The following CFAP126 variants were observed in gnomAD, a reference collection of about 807,000 sequenced individuals.
CFAP126 encodes the protein protein Flattop.
In CFAP126, 21 loss-of-function variants were observed where a neutral mutation model predicts 17.1. The ratio of observed to expected loss-of-function variants is 1.23; its 90% CI spans 0.87 to 1.77. The LOEUF (loss-of-function observed/expected upper bound fraction) is 1.77, where lower values mean the gene tolerates loss of function less well. CFAP126 is among the 40% of genes most tolerant of loss of function. The pLI is 0.00. For synonymous variants in CFAP126, 65 were observed against 73.5 expected (o/e 0.88, Z 0.59); for missense variants, 174 against 215.4 (o/e 0.81, Z 1.20).
intron 1 of CFAP126, chr1:161,366,786 T>C (rs1412346689): frequency 2.4e-6 from 1 of 409,162 alleles, no homozygotes; most frequent in African/African-American, 2.0e-5. Context: ...CTTTTCTTTT[T>C]TTTTTTGAGA....
At chr1:161,365,823 T>A in intron 3 of CFAP126, 121 bp from the exon 4 acceptor site, 1 of 972,610 alleles carries the variant, frequency 1.0e-6, no homozygotes, top group Non-Finnish European at 1.5e-6. Flanking sequence ...ACTGAAAGCA[T>A]AATCTTCCCA....
Position 161,365,165 on chromosome 1 carries a change from A to C in CFAP126, c.349-15T>G, listed in dbSNP as rs1672684818. ...GGATCATGGGGCTGTCAGTGATAAG[A>C]GTGGGAGAGATAGTCATGTCTCTGG... On this transcript the variant is annotated splice_polypyrimidine_tract_variant and intron_variant, in intron 4 of 4. Transcript: ENST00000367974. 1 of 1,612,218 alleles carries C rather than the reference A, an allele frequency of 6.2e-7. No individual in the cohort carries two copies.
Position 161,365,550 on chromosome 1 carries a change from C to T in CFAP126, c.324G>A (p.Gly108=), listed in dbSNP as rs1052773173. 1.8e-5 allele frequency: 29 copies of T among 1,614,152 alleles called. No homozygotes were observed. Among genetic ancestry groups the T allele is most frequent in the Non-Finnish European group, 2.4e-5 (28 of 1,180,034 alleles). Residue 108 remains glycine (G), a synonymous_variant, in exon 4 of 5, where the codon GGG becomes GGA. Coordinates refer to ENST00000367974, the MANE Select transcript of CFAP126 (RefSeq NM_001013625.4). The part of the protein sequence containing the change: ...KNPDLLKASN[G]LCPEILGKPH... ...CCTTGCCTAAGATTTCAGGACACAG[C>T]CCATTGGAGGCCTTGAGTAAATCAG...
Position 161,366,445 on chromosome 1 carries a change from T to A in CFAP126, c.84A>T (p.Thr28=). ...YLQNWSPTKP[T]KESISSHEGY... ...TGCACTGAACATGGAATACCTCTTT[T>A]GTTGGCTTAGTGGGAGACCAGTTCT... The change falls in exon 2 of 5, where the codon ACA becomes ACT. Residue 28 remains threonine (T), a synonymous_variant. Coordinates refer to ENST00000367974, the MANE Select transcript of CFAP126 (RefSeq NM_001013625.4). 1 of 1,613,900 alleles carries A rather than the reference T, an allele frequency of 6.2e-7. No homozygotes were observed. The highest frequency in any genetic ancestry group is 8.5e-7 in the Non-Finnish European group (1 of 1,179,780).
In CFAP126 at chr1:161,365,480, G is replaced by A. The variant is rs780569388; in HGVS notation, c.348+46C>T. On this transcript the variant is annotated intron_variant, in intron 4 of 4. Coordinates refer to ENST00000367974, the MANE Select transcript of CFAP126 (RefSeq NM_001013625.4). ...AATAGACATTTTTTGAGGTTGAAAA[G>A]AAATTGAGACTACAGGGTTTTGGGT... 8.1e-6 allele frequency: 13 copies of A among 1,600,544 alleles called. No homozygotes were observed. The African/African-American group carries it at 1.7e-4, about 21-fold the overall frequency.
At chr1:161,367,650 A>G (rs1672780075) in intron 1 of CFAP126, 192 bp downstream of exon 1, 1 of 474,460 alleles carries the variant, frequency 2.1e-6, no homozygotes, top group African/African-American at 2.0e-5. Flanking sequence ...TCTGGTTTAC[A>G]CCCTACAAAT....
chr1:161,367,854 G>C lies in CFAP126; in HGVS notation c.15C>G (p.Tyr5Ter). 6.2e-7 allele frequency: 1 copy of C among 1,614,086 alleles called. No homozygotes were observed. Among genetic ancestry groups the C allele is most frequent in the South Asian group, 1.1e-5 (1 of 91,070 alleles). Residue 5 changes from tyrosine to a stop codon, truncating the protein, a stop_gained, in exon 1 of 5, where the codon TAC becomes TAG. Coordinates refer to ENST00000367974, the MANE Select transcript of CFAP126 (RefSeq NM_001013625.4). LOFTEE classifies it high-confidence loss of function. MATN[Y>*]SANQYEKAFS... Reference sequence around the variant, plus strand: ...AATGGGAACTTACCTGGTTGGCACTGTAGTTAGTGGCCATGATCTTGTGCT... The same window carrying C: ...AATGGGAACTTACCTGGTTGGCACTCTAGTTAGTGGCCATGATCTTGTGCT...
At chr1:161,366,167 T>A in intron 3 of CFAP126, 31 bp downstream of exon 3, 1 of 1,528,864 alleles carries the variant, frequency 6.5e-7, no homozygotes, top group Non-Finnish European at 9.1e-7. Flanking sequence ...ATTATTTGAC[T>A]TTCTTGATAG....
intron 1 of CFAP126, chr1:161,367,610 C>G: frequency 2.4e-6 from 1 of 408,630 alleles, no homozygotes; most frequent in Non-Finnish European, 4.3e-6. Flanking sequence ...TTTTACACTC[C>G]GCCCTTTTAC....
Position 161,365,155 on chromosome 1 carries a change from C to T in CFAP126, c.349-5G>A. On this transcript the variant is annotated splice_polypyrimidine_tract_variant and splice_region_variant and intron_variant, in intron 4 of 4. Coordinates refer to ENST00000367974, the MANE Select transcript of CFAP126 (RefSeq NM_001013625.4). ...CTGACTGTCTGGATCATGGGGCTGT[C>T]AGTGATAAGAGTGGGAGAGATAGTC... is the stretch of plus-strand genomic sequence containing the variant. 1 of 1,613,744 alleles carries T rather than the reference C, an allele frequency of 6.2e-7. No homozygotes were observed.
chr1:161,365,331 T>A (rs1672690593), intron 4 of CFAP126, 181 bp from the exon 5 acceptor site: 4 of 897,908 alleles, frequency 4.5e-6, no homozygotes, highest in Non-Finnish European at 6.9e-6. Flanking sequence ...ATTAGATCAT[T>A]TTCTACTGTT....
chr1:161,365,265 G>T lies in CFAP126; in HGVS notation c.349-115C>A, dbSNP rs1672688575. 5 of 1,128,516 alleles carry T rather than the reference G, an allele frequency of 4.4e-6. No individual in the cohort carries two copies. In the East Asian group the frequency reaches 9.7e-5, roughly 22 times the overall value. The allele number at this position is 1,128,516 out of a possible 1,614,324, so 69.9% of individuals were successfully genotyped here. On this transcript the variant is annotated intron_variant, in intron 4 of 4. Transcript: ENST00000367974. Reference sequence around the variant, plus strand: ...CCCCATACCATGGGCAGTAGATCAAGTTTCAAATAAGAAAAGTTAAATTTG... The same window carrying T: ...CCCCATACCATGGGCAGTAGATCAATTTTCAAATAAGAAAAGTTAAATTTG...
In CFAP126 at chr1:161,365,661, AG is replaced by A; in HGVS notation, c.212del (p.Pro71LeufsTer2). On this transcript the variant is annotated frameshift_variant, in exon 4 of 5. Coordinates refer to ENST00000367974, the MANE Select transcript of CFAP126 (RefSeq NM_001013625.4). LOFTEE classifies it high-confidence loss of function. ...WGSFMGTWQMPLKIPPARVTL... is the reference protein window; with the variant it reads ...WGSFMGTWQMXLKIPPARVTL... ...TCACCCGAGCAGGGGGTATCTTCAGAGGCATTTGCCAGGTGCCCATGAAGGA... is the reference window on the plus strand; with the variant it reads ...TCACCCGAGCAGGGGGTATCTTCAGAGCATTTGCCAGGTGCCCATGAAGGA... 1 of 1,609,380 alleles carries A rather than the reference AG, an allele frequency of 6.2e-7. No individual in the cohort carries two copies. The highest frequency in any genetic ancestry group is 8.5e-7 in the Non-Finnish European group (1 of 1,177,736).
chr1:161,365,983 T>A lies in CFAP126; in HGVS notation c.171+215A>T, dbSNP rs1672716800. The A allele has an allele frequency of 7.0e-5, 43 of 614,292 alleles. 1 individual carries two copies. In the East Asian group the frequency reaches 1.2e-3, roughly 17 times the overall value. 38.1% of individuals were successfully genotyped at this position (614,292 alleles called of 1,614,324 possible). A position where few individuals can be genotyped will look rare whatever the true frequency, so the allele number is the denominator to read the frequency against. On this transcript the variant is annotated intron_variant, in intron 3 of 4. Transcript: ENST00000367974. ...GTCATCACCTGAAGGCTTTCATTTA[T>A]ACAGATCATTGATCAATTTAAGAAC...
At chr1:161,366,778 T>TC in intron 1 of CFAP126, 1 of 435,506 alleles carries the variant, frequency 2.3e-6, no homozygotes, top group Non-Finnish European at 4.1e-6. Context: ...GTTTTTTTCT[T>TC]TTCTTTTTTT....
At chr1:161,365,185 C>T in intron 4 of CFAP126, 35 bp from the exon 5 acceptor site, 3 of 1,601,332 alleles carry the variant, frequency 1.9e-6, no homozygotes, top group Non-Finnish European at 2.6e-6. Flanking sequence ...ATAGTCATGT[C>T]TCTGGTCAGG....
chr1:161,367,298 CTA>C (rs1326811057), intron 1 of CFAP126: 6 of 152,516 alleles, frequency 3.9e-5, no homozygotes, highest in Admixed American at 1.3e-4. Context: ...AGTTGGTAAA[CTA>C]TGGCCTATGG....
rs1201224443 is a variant in CFAP126, at chr1:161,364,740, C to G, written c.*225G>C. ...GGAAAATCCAGATCAGTAAAAGATT[C>G]AACAAAAAAAAGTTTATTTTCCAAA... On this transcript the variant is annotated 3_prime_UTR_variant, in exon 5 of 5. Transcript: ENST00000367974. 2.0e-6 allele frequency: 1 copy of G among 504,734 alleles called. No homozygotes were observed. The highest frequency in any genetic ancestry group is 1.9e-5 in the African/African-American group (1 of 51,806). 31.3% of individuals were successfully genotyped at this position (504,734 alleles called of 1,614,324 possible).
Position 161,366,271 on chromosome 1 carries a change from G to T in CFAP126, c.98C>A (p.Ser33Tyr), listed in dbSNP as rs1298017603. The T allele has an allele frequency of 2.5e-6, 4 of 1,613,622 alleles. No homozygotes were observed. In the South Asian group the frequency reaches 4.4e-5, roughly 18 times the overall value. The change falls in exon 3 of 5, where the codon TCT becomes TAT. Residue 33 changes from serine to tyrosine, a missense_variant. Ser to Tyr is a moderately radical substitution (Grantham distance 144, BLOSUM62 -2). Coordinates refer to ENST00000367974, the MANE Select transcript of CFAP126 (RefSeq NM_001013625.4). ...AATTTGAGTGTAGCCTTCATGAGAA[G>T]AGATGCTCTGGGGTACAAGTGGGAG... is the stretch of plus-strand genomic sequence containing the variant. ...SPTKPTKESI[S>Y]SHEGYTQIIA... is the part of the protein sequence containing the mutation.
Sources: allele counts gnomAD v4.1 joint callset, GRCh38; gene constraint gnomAD v4.1.1; transcripts MANE v1.5; gene names NCBI Gene and HGNC (gene_info 2026-07-23, HGNC 2026-07-21).